IMMP2L: variants seen among roughly 807,000 people sequenced by gnomAD.
The protein encoded by IMMP2L is inner mitochondrial membrane peptidase subunit 2.
A neutral mutation model predicts 19.3 loss-of-function variants in IMMP2L; 18 were observed. That is an observed-to-expected ratio of 0.93 (90% CI 0.64 to 1.38). The LOEUF is 1.38. Among genes scored for constraint, IMMP2L ranks in the 40% most tolerant of loss-of-function variants. The pLI, the probability that IMMP2L is intolerant of heterozygous loss-of-function variation, is 0.00. For synonymous variants in IMMP2L, 76 were observed against 73.0 expected (o/e 1.04, Z -0.21); for missense variants, 233 against 218.2 (o/e 1.07, Z -0.43).
chr7:110,728,157 T>C lies in IMMP2L; in HGVS notation c.409-64436A>G, dbSNP rs181278016. On this transcript the variant is annotated intron_variant, in intron 5 of 5. Transcript: ENST00000405709. This position sits in a 1 kb window ranked among gnomAD's most constrained non-coding sequence, Gnocchi z 4.6. Reference sequence around the variant, plus strand: ...ATGCTTGGCCAATAGTAAGCATTCATACATAATATCTGCCATGCTTGTTGT... The same window carrying C: ...ATGCTTGGCCAATAGTAAGCATTCACACATAATATCTGCCATGCTTGTTGT... Among the ~76,000 whole-genome samples the C allele has an allele frequency of 6.0e-3, 920 of 152,324 alleles. 9 individuals carry two copies. The highest frequency in any genetic ancestry group is 0.014 in the Middle Eastern group (4 of 294).
At chr7:111,301,793 A>G (rs1433295447) in intron 3 of IMMP2L, among the ~76,000 whole-genome samples, 1 of 151,962 alleles carries the variant, frequency 6.6e-6, no homozygotes, top group East Asian at 1.9e-4. Flanking sequence ...TGTGTTTCAT[A>G]TACTATGCCA....
chr7:111,436,138 G>A (rs1270321302), intron 3 of IMMP2L, among the ~76,000 whole-genome samples: 6 of 151,720 alleles, frequency 4.0e-5, no homozygotes, highest in Non-Finnish European at 4.4e-5. Flanking sequence ...GGGAACATAT[G>A]TACTGGGCAG....
At chr7:111,535,819 T>A (rs1453769514) in intron 1 of IMMP2L, among the ~76,000 whole-genome samples, 1 of 152,072 alleles carries the variant, frequency 6.6e-6, no homozygotes, top group African/African-American at 2.4e-5. Context: ...CAGGGAAGAA[T>A]GCTGTGGGGC....
Position 111,071,868 on chromosome 7 carries a change from T to C in IMMP2L, c.240-108303A>G, listed in dbSNP as rs148517957. Among the ~76,000 whole-genome samples, 289 of 152,334 alleles carry C rather than the reference T, an allele frequency of 1.9e-3. 1 individual carries two copies. Among genetic ancestry groups the C allele is most frequent in the African/African-American group, 6.8e-3 (283 of 41,584 alleles). On this transcript the variant is annotated intron_variant, in intron 3 of 5. Transcript: ENST00000405709. ...AGCAAATTTATACATTGTACATTTA[T>C]AAATGATTACTTTTATGTTATGTGA...
chr7:111,018,198 C>T (rs1241860158), intron 3 of IMMP2L, among the ~76,000 whole-genome samples: 7 of 152,114 alleles, frequency 4.6e-5, no homozygotes, highest in Non-Finnish European at 1.0e-4. Flanking sequence ...TGAAAGGTAG[C>T]AAGACAAGTT....
At chr7:111,333,797 C>CA (rs1375740788) in intron 3 of IMMP2L, among the ~76,000 whole-genome samples, 1 of 152,084 alleles carries the variant, frequency 6.6e-6, no homozygotes, top group Non-Finnish European at 1.5e-5. Context: ...CATTGGACTC[C>CA]AAGTTCTTCA....
chr7:110,947,208 T>C lies in IMMP2L; in HGVS notation c.305+16292A>G, dbSNP rs542148384. On this transcript the variant is annotated intron_variant, in intron 4 of 5. Coordinates refer to ENST00000405709, the MANE Select transcript of IMMP2L (RefSeq NM_032549.4). ...ATTTGAATACTCATTAGTGGCTTACTCTACAGTGAAATTTTCGTACATCGC... is the reference window on the plus strand; with the variant it reads ...ATTTGAATACTCATTAGTGGCTTACCCTACAGTGAAATTTTCGTACATCGC... 4.6e-5 allele frequency among the ~76,000 whole-genome samples: 7 copies of C among 152,328 alleles called. No individual in the cohort carries two copies. In the South Asian group the frequency reaches 1.5e-3, roughly 32 times the overall value.
chr7:111,220,384 G>C (rs1488624830), intron 3 of IMMP2L, among the ~76,000 whole-genome samples: 2 of 151,968 alleles, frequency 1.3e-5, no homozygotes, highest in African/African-American at 2.4e-5. Context: ...AAATCAGATG[G>C]TGTTTCTGAA....
At chr7:111,164,168 G>GAAGGCAGA (rs1586646748) in intron 3 of IMMP2L, among the ~76,000 whole-genome samples, 1 of 151,622 alleles carries the variant, frequency 6.6e-6, no homozygotes, top group East Asian at 2.0e-4. Flanking sequence ...AGGAAGGCAG[G>GAAGGCAGA]AAGGCAGAAA....
intron 5 of IMMP2L, among the ~76,000 whole-genome samples, chr7:110,701,831 G>A (rs1794309514): frequency 6.6e-6 from 1 of 152,156 alleles, no homozygotes; most frequent in African/African-American, 2.4e-5. Flanking sequence ...AACTCAGGCT[G>A]CTCTAACACC....
intron 5 of IMMP2L, among the ~76,000 whole-genome samples, chr7:110,849,801 A>C (rs1806016082): frequency 1.3e-5 from 2 of 152,088 alleles, no homozygotes; most frequent in Admixed American, 6.6e-5. Flanking sequence ...ACCTCTAGAA[A>C]TCTGCTTTAT....
intron 3 of IMMP2L, among the ~76,000 whole-genome samples, chr7:111,144,142 C>T (rs1467703859): frequency 6.6e-6 from 1 of 152,136 alleles, no homozygotes; most frequent in Non-Finnish European, 1.5e-5. Context: ...AAACTATGAG[C>T]ACAAATAATA....
intron 3 of IMMP2L, among the ~76,000 whole-genome samples, chr7:111,121,688 T>G (rs1041117466): frequency 6.6e-6 from 1 of 152,186 alleles, no homozygotes; most frequent in Non-Finnish European, 1.5e-5. Context: ...CTCGGGGATC[T>G]AGAACTAGAA....
chr7:111,294,778 T>C, intron 3 of IMMP2L, among the ~76,000 whole-genome samples: 1 of 151,882 alleles, frequency 6.6e-6, no homozygotes, highest in Non-Finnish European at 1.5e-5. Flanking sequence ...TCATAACTAA[T>C]ATTAATTTTC....
At chr7:111,114,037 AC>A (rs1165162316) in intron 3 of IMMP2L, among the ~76,000 whole-genome samples, 1 of 152,162 alleles carries the variant, frequency 6.6e-6, no homozygotes, top group Non-Finnish European at 1.5e-5. Context: ...TAAAGAGTGG[AC>A]AAAATGGGAA....
At chr7:111,422,438 T>C (rs1456011826) in intron 3 of IMMP2L, among the ~76,000 whole-genome samples, 1 of 150,908 alleles carries the variant, frequency 6.6e-6, no homozygotes, top group Non-Finnish European at 1.5e-5. Context: ...GGTCACCACA[T>C]CCCTTGGAAG....
At chr7:111,104,212 G>A (rs1179449567) in intron 3 of IMMP2L, among the ~76,000 whole-genome samples, 1 of 151,512 alleles carries the variant, frequency 6.6e-6, no homozygotes, top group African/African-American at 2.4e-5. Context: ...AGCCAATTTT[G>A]CAGAGTTGGA....
intron 3 of IMMP2L, among the ~76,000 whole-genome samples, chr7:111,188,325 T>G (rs1293035230): frequency 6.6e-6 from 1 of 152,122 alleles, no homozygotes; most frequent in Non-Finnish European, 1.5e-5. Flanking sequence ...TCTCACAGTT[T>G]TGGAAGGCTG....
At chr7:110,765,910 C>T (rs1798627185) in intron 5 of IMMP2L, among the ~76,000 whole-genome samples, 2 of 152,126 alleles carry the variant, frequency 1.3e-5, no homozygotes. Context: ...AGTTACAAAG[C>T]TGTGTAAGTT....
Sources: allele counts gnomAD v4.1 joint callset (sites outside exome capture counted in the v4.1 genomes callset), GRCh38; gene constraint gnomAD v4.1.1; non-coding constraint Gnocchi (gnomAD v3.1); transcripts MANE v1.5; gene names NCBI Gene and HGNC (gene_info 2026-07-23, HGNC 2026-07-21).